The following LOC400499 variants were observed in gnomAD, a reference collection of about 807,000 sequenced individuals.
At chr16:11,386,996 T>C in the LOC400499 span, 1 of 777,646 alleles carries the variant, frequency 1.3e-6, no homozygotes, top group East Asian at 3.4e-5. Flanking sequence ...CCTTGGGAAG[T>C]CCAGTAAGCT....
the LOC400499 span, among the ~76,000 whole-genome samples, chr16:11,423,411 C>A: frequency 1.3e-5 from 2 of 152,214 alleles, no homozygotes; most frequent in African/African-American, 4.8e-5. Flanking sequence ...GACTTGAGGG[C>A]GAAGCCACGG....
the LOC400499 span, among the ~76,000 whole-genome samples, chr16:11,519,582 A>AG: frequency 6.6e-6 from 1 of 152,158 alleles, no homozygotes; most frequent in African/African-American, 2.4e-5. Flanking sequence ...ATTTTTTAAA[A>AG]TAAATAAACA....
At chr16:11,460,578 T>C in the LOC400499 span, 2 of 1,535,252 alleles carry the variant, frequency 1.3e-6, no homozygotes, top group Non-Finnish European at 8.7e-7. Flanking sequence ...TTCTGGCTGG[T>C]GCTGCACTCG....
chr16:11,510,963 C>T, the LOC400499 span, among the ~76,000 whole-genome samples: 2 of 150,986 alleles, frequency 1.3e-5, no homozygotes, highest in African/African-American at 2.5e-5. Context: ...CTCACAGAGG[C>T]CACGTGCCAG....
At chr16:11,450,227 T>C in the LOC400499 span, among the ~76,000 whole-genome samples, 1 of 152,244 alleles carries the variant, frequency 6.6e-6, no homozygotes, top group East Asian at 1.9e-4. Context: ...ACCAAACGTG[T>C]GCAGAGAAGC....
At chr16:11,465,061 G>T in the LOC400499 span, among the ~76,000 whole-genome samples, 1 of 152,192 alleles carries the variant, frequency 6.6e-6, no homozygotes, top group Non-Finnish European at 1.5e-5. Flanking sequence ...TCCACTCCAG[G>T]CCTCTCTGAG....
the LOC400499 span, chr16:11,399,778 A>G: frequency 5.0e-6 from 2 of 398,714 alleles, no homozygotes; most frequent in African/African-American, 4.1e-5. Flanking sequence ...GGTGAGCTGC[A>G]GCGTCGCAGG....
At chr16:11,491,013 C>T in the LOC400499 span, among the ~76,000 whole-genome samples, 1 of 152,210 alleles carries the variant, frequency 6.6e-6, no homozygotes, top group Non-Finnish European at 1.5e-5. Flanking sequence ...ATGGCACTTA[C>T]TATGCTTTCT....
the LOC400499 span, among the ~76,000 whole-genome samples, chr16:11,515,331 G>T: frequency 6.6e-6 from 1 of 151,828 alleles, no homozygotes; most frequent in Non-Finnish European, 1.5e-5. Flanking sequence ...CCTTGTGCCT[G>T]TAGTCCCAGC....
chr16:11,457,119 G>C, the LOC400499 span: 5 of 1,395,404 alleles, frequency 3.6e-6, no homozygotes, highest in Admixed American at 1.2e-4. Flanking sequence ...AGTTGAGGCA[G>C]CAGCGAGCCA....
chr16:11,465,761 A>T, the LOC400499 span, among the ~76,000 whole-genome samples: 5 of 139,822 alleles, frequency 3.6e-5, no homozygotes, highest in African/African-American at 1.3e-4. Flanking sequence ...AAAGAAAGAG[A>T]AGGCGGGGGG....
the LOC400499 span, among the ~76,000 whole-genome samples, chr16:11,487,627 C>A: frequency 3.9e-4 from 59 of 152,344 alleles, no homozygotes; most frequent in Middle Eastern, 3.4e-3. Flanking sequence ...ACCCGACCCC[C>A]AACCCCAGGC....
chr16:11,427,350 C>CAAAAA, the LOC400499 span, among the ~76,000 whole-genome samples: 1 of 38,874 alleles, frequency 2.6e-5, no homozygotes, highest in African/African-American at 6.0e-5. Context: ...CTCCATCTCA[C>CAAAAA]AAAAAAAAAA....
the LOC400499 span, among the ~76,000 whole-genome samples, chr16:11,504,019 C>T: frequency 7.9e-5 from 12 of 152,172 alleles, no homozygotes; most frequent in African/African-American, 1.9e-4. Flanking sequence ...GTTCGGAAGA[C>T]GTGTGCAGAT....
chr16:11,490,651 A>C, the LOC400499 span, among the ~76,000 whole-genome samples: 1 of 152,226 alleles, frequency 6.6e-6, no homozygotes, highest in Non-Finnish European at 1.5e-5. Flanking sequence ...CAGTGAGCCA[A>C]GATCACACCA....
the LOC400499 span, among the ~76,000 whole-genome samples, chr16:11,459,598 A>C: frequency 2.0e-5 from 3 of 152,212 alleles, no homozygotes; most frequent in Non-Finnish European, 4.4e-5. Flanking sequence ...ACTCAGCAAA[A>C]GAACCCACCC....
the LOC400499 span, among the ~76,000 whole-genome samples, chr16:11,384,696 C>CG: frequency 6.6e-6 from 1 of 152,194 alleles, no homozygotes; most frequent in African/African-American, 2.4e-5. Context: ...GGCCTCTGTG[C>CG]GGTCATCTGG....
At chr16:11,472,696 CT>C in the LOC400499 span, 1 of 152,196 alleles carries the variant, frequency 6.6e-6, no homozygotes, top group Non-Finnish European at 1.5e-5. Flanking sequence ...AGGCCTCAGT[CT>C]TTCTCATCTT....
At chr16:11,396,802 G>A in the LOC400499 span, 4 of 759,244 alleles carry the variant, frequency 5.3e-6, no homozygotes, top group Non-Finnish European at 7.2e-6. Flanking sequence ...GCAGCTCACA[G>A]CTGACCTCTA....
Sources: allele counts gnomAD v4.1 joint callset (sites outside exome capture counted in the v4.1 genomes callset), GRCh38; gene constraint gnomAD v4.1.1; transcripts MANE v1.5.